Variants in CNTNAP2 observed in about 807,000 individuals in gnomAD.
The protein encoded by CNTNAP2 is contactin associated protein 2.
A neutral mutation model predicts 155.2 loss-of-function variants in CNTNAP2; 98 were observed. That is an observed-to-expected ratio of 0.63 (90% CI 0.54 to 0.75). The LOEUF (loss-of-function observed/expected upper bound fraction) is 0.75. Among genes scored for constraint, CNTNAP2 ranks in the 30% least tolerant of loss-of-function variants. The pLI is 0.00. For missense variants in CNTNAP2, 1,727 were observed against 1,688.1 expected, an observed-to-expected ratio of 1.02 and a Z score of -0.40; for synonymous variants, 651 against 631.2, an observed-to-expected ratio of 1.03 and a Z score of -0.47.
chr7:148,336,543 T>TAAAAAA (rs1554420458), intron 21 of CNTNAP2, among the ~76,000 whole-genome samples: 4 of 111,270 alleles, frequency 3.6e-5, no homozygotes, highest in African/African-American at 7.2e-5. Flanking sequence ...GTTTGGTTGA[T>TAAAAAA]GAAAAAGAAA....
chr7:148,135,851 G>T (rs1039883584), intron 16 of CNTNAP2, among the ~76,000 whole-genome samples: 14 of 85,086 alleles, frequency 1.6e-4, no homozygotes, highest in African/African-American at 6.5e-4. Flanking sequence ...GAAGAGAAGA[G>T]AGCAGAGGGG....
intron 1 of CNTNAP2, among the ~76,000 whole-genome samples, chr7:146,199,946 A>G (rs1315652741): frequency 6.6e-6 from 1 of 152,172 alleles, no homozygotes; most frequent in Non-Finnish European, 1.5e-5. Flanking sequence ...AAATAAACTA[A>G]TCCAAAAAGT....
intron 10 of CNTNAP2, among the ~76,000 whole-genome samples, chr7:147,408,032 C>T (rs1009528029): frequency 9.8e-5 from 15 of 152,314 alleles, no homozygotes; most frequent in Admixed American, 6.5e-5. Flanking sequence ...TTCATTTATT[C>T]ATTTATCCAT....
intron 1 of CNTNAP2, among the ~76,000 whole-genome samples, chr7:146,721,740 C>CTA (rs1193435746): frequency 8.1e-6 from 1 of 123,034 alleles, no homozygotes; most frequent in African/African-American, 3.4e-5. Flanking sequence ...ATTATATATT[C>CTA]TATATATATA....
intron 1 of CNTNAP2, among the ~76,000 whole-genome samples, chr7:146,500,951 A>T (rs903246402): frequency 6.6e-6 from 1 of 151,704 alleles, no homozygotes; most frequent in African/African-American, 2.4e-5. Context: ...TTTTGCCAAA[A>T]TTTTTTTCAA....
intron 6 of CNTNAP2, among the ~76,000 whole-genome samples, chr7:147,124,611 A>G (rs1801195674): frequency 6.6e-6 from 1 of 152,214 alleles, no homozygotes; most frequent in Non-Finnish European, 1.5e-5. Context: ...ATACGAAAGT[A>G]AAGTGTAGAG....
intron 13 of CNTNAP2, among the ~76,000 whole-genome samples, chr7:147,710,301 TC>T (rs1313038603): frequency 6.6e-6 from 1 of 152,168 alleles, no homozygotes; most frequent in Non-Finnish European, 1.5e-5. Context: ...ATTTTAAGCT[TC>T]TTAGCTTAGC....
chr7:146,877,788 C>T (rs1795460188), intron 3 of CNTNAP2, among the ~76,000 whole-genome samples: 1 of 151,908 alleles, frequency 6.6e-6, no homozygotes, highest in Non-Finnish European at 1.5e-5. Context: ...TTCATGATGT[C>T]ACCTTCCATG....
intron 12 of CNTNAP2, among the ~76,000 whole-genome samples, chr7:147,572,835 TC>T (rs1198757063): frequency 6.6e-6 from 1 of 152,124 alleles, no homozygotes; most frequent in African/African-American, 2.4e-5. Flanking sequence ...ATTTCTCTCT[TC>T]CGGCTAAACT....
intron 8 of CNTNAP2, among the ~76,000 whole-genome samples, chr7:147,188,650 G>A (rs1419682782): frequency 6.6e-6 from 1 of 152,160 alleles, no homozygotes; most frequent in Non-Finnish European, 1.5e-5. Context: ...GAAGGAGGAA[G>A]TAGTTCAAGG....
Position 148,377,186 on chromosome 7 carries a change from C to T in CNTNAP2, c.3476-6463C>T, listed in dbSNP as rs1458666327. Among the ~76,000 whole-genome samples the T allele has an allele frequency of 5.9e-5, 4 of 67,654 alleles. 1 individual carries two copies. The East Asian group carries it at 1.7e-3, about 29-fold the overall frequency. 44.4% of individuals were successfully genotyped at this position (67,654 alleles called of 152,430 possible). On this transcript the variant is annotated intron_variant, in intron 21 of 23. Transcript: ENST00000361727. ...TGACACTGGGAGCCACTGGGAGCTT[C>T]AGGTGCTGGCCCAGCAGTGCCTGGC...
chr7:146,638,476 C>CTTTCTTTCT (rs1383622498), intron 1 of CNTNAP2, among the ~76,000 whole-genome samples: 1 of 64,330 alleles, frequency 1.6e-5, no homozygotes, highest in African/African-American at 4.8e-5. Flanking sequence ...TCAGGTGTTT[C>CTTTCTTTCT]TTTTTTTTTT....
At chr7:146,457,496 ATATATATATATATATATATATATATATAT>A (rs1796573292) in intron 1 of CNTNAP2, among the ~76,000 whole-genome samples, 1 of 3,848 alleles carries the variant, frequency 2.6e-4, no homozygotes, top group Non-Finnish European at 6.8e-4. Context: ...ATATATATAT[ATATATATATATATATATATATATATATAT>A]ATATATATAT....
chr7:146,234,835 A>T (rs1433776334), intron 1 of CNTNAP2, among the ~76,000 whole-genome samples: 1 of 152,372 alleles, frequency 6.6e-6, no homozygotes, highest in South Asian at 2.1e-4. Flanking sequence ...TGCCACATTC[A>T]GTTTTTACAT....
chr7:147,094,140 A>T (rs1038362768), intron 4 of CNTNAP2, among the ~76,000 whole-genome samples: 4 of 151,956 alleles, frequency 2.6e-5, no homozygotes, highest in Admixed American at 1.3e-4. Context: ...CCTAGAAGGG[A>T]CTCTGTGGAG....
intron 1 of CNTNAP2, among the ~76,000 whole-genome samples, chr7:146,430,055 A>G (rs1258274577): frequency 1.3e-5 from 2 of 152,174 alleles, no homozygotes; most frequent in Non-Finnish European, 2.9e-5. Context: ...CCAACCTTGC[A>G]TCCTAGGGAT....
At chr7:147,673,537 GA>G (rs1409386286) in intron 13 of CNTNAP2, among the ~76,000 whole-genome samples, 1 of 152,066 alleles carries the variant, frequency 6.6e-6, no homozygotes. Flanking sequence ...AGCTATATAA[GA>G]AAAAAACCTC....
chr7:147,908,426 G>T (rs117850262), intron 14 of CNTNAP2, among the ~76,000 whole-genome samples: 1,668 of 152,286 alleles, frequency 0.011, 86 homozygotes, highest in Admixed American at 0.091. Context: ...AAAATCAGAT[G>T]CATGGGGCAC....
intron 8 of CNTNAP2, among the ~76,000 whole-genome samples, chr7:147,175,287 T>C (rs1451423730): frequency 6.6e-6 from 1 of 151,742 alleles, no homozygotes; most frequent in Admixed American, 6.6e-5. Context: ...CTATATTCCC[T>C]CCTATCCTTT....
Sources: allele counts gnomAD v4.1 joint callset (sites outside exome capture counted in the v4.1 genomes callset), GRCh38; gene constraint gnomAD v4.1.1; transcripts MANE v1.5; gene names NCBI Gene and HGNC (gene_info 2026-07-23, HGNC 2026-07-21).